FANCD2OS: variants seen among roughly 807,000 people sequenced by gnomAD.
FANCD2OS encodes FANCD2 opposite strand, also known as FANCD2 opposite strand protein.
In FANCD2OS, 11 loss-of-function variants were observed where a neutral mutation model predicts 13.2. The ratio of observed to expected loss-of-function variants is 0.83; its 90% CI spans 0.52 to 1.38. The LOEUF is 1.38. Ranked by LOEUF, FANCD2OS falls within the 40% of genes most tolerant of loss-of-function variation. The pLI is 0.00. For missense variants in FANCD2OS, 217 were observed against 213.9 expected (o/e 1.01, Z -0.09); for synonymous variants, 69 against 84.5 (o/e 0.82, Z 1.01).
downstream of FANCD2OS, among the ~76,000 whole-genome samples, chr3:10,100,009 C>A (rs1401459657): frequency 6.6e-6 from 1 of 151,972 alleles, no homozygotes; most frequent in Non-Finnish European, 1.5e-5. Flanking sequence ...CAACCCGAGA[C>A]CCCATCTCTA....
rs760823688 is a variant in FANCD2OS, at chr3:10,088,495, T to G, written c.*44-6964A>C. The stretch of plus-strand genomic sequence containing the variant: ...TCTGTCGGGTGTGGCCAAGTGGGGA[T>G]AAAGAGAAGAGCAACATCTCTAATG... On this transcript the variant is annotated intron_variant, in intron 2 of 2. Coordinates refer to the FANCD2OS transcript ENST00000524279. 4 of 1,613,080 alleles carry G rather than the reference T, an allele frequency of 2.5e-6. No homozygotes were observed. The Admixed American group carries it at 6.7e-5, about 27-fold the overall frequency.
chr3:10,107,350 C>T (rs1575896511), intron 1 of FANCD2OS, among the ~76,000 whole-genome samples: 1 of 151,864 alleles, frequency 6.6e-6, no homozygotes, highest in South Asian at 2.1e-4. Flanking sequence ...TGCAGTGGCG[C>T]GATCTCCGCT....
intron 2 of FANCD2OS, among the ~76,000 whole-genome samples, chr3:10,093,581 G>C (rs765268017): frequency 6.6e-6 from 1 of 152,176 alleles, no homozygotes; most frequent in Non-Finnish European, 1.5e-5. Context: ...TTGAGTTTAG[G>C]AGCAGTAGTT....
At chr3:10,098,332 C>T (rs533863431), downstream of FANCD2OS, among the ~76,000 whole-genome samples, 33 of 152,246 alleles carry the variant, frequency 2.2e-4, no homozygotes, top group East Asian at 3.1e-3. Flanking sequence ...ACCACCTCAC[C>T]ATACTGTCCT....
chr3:10,105,775 TATATA>T (rs1695474339), intron 1 of FANCD2OS, among the ~76,000 whole-genome samples: 2 of 10,248 alleles, frequency 2.0e-4, no homozygotes, highest in South Asian at 4.3e-3. Flanking sequence ...AAAAAAATTA[TATATA>T]TATATATATA....
At chr3:10,085,397 T>TC (rs1224252527) in intron 2 of FANCD2OS, among the ~76,000 whole-genome samples, 11 of 148,706 alleles carry the variant, frequency 7.4e-5, no homozygotes, top group African/African-American at 2.5e-4. Context: ...TTTCTTTCTT[T>TC]TTTTTTTTTT....
At chr3:10,081,670 TTTGACA>T in intron 2 of FANCD2OS, 1 of 599,402 alleles carries the variant, frequency 1.7e-6, no homozygotes, top group Admixed American at 2.7e-5. Context: ...TGTTAACCCA[TTTGACA>T]GATTAGGTGA....
chr3:10,098,323 C>G (rs947786152), downstream of FANCD2OS, among the ~76,000 whole-genome samples: 1 of 152,134 alleles, frequency 6.6e-6, no homozygotes, highest in Non-Finnish European at 1.5e-5. Flanking sequence ...TGTTCTGAAA[C>G]CACCTCACCA....
rs541377758 is a variant in FANCD2OS at position 10,107,783 on chromosome 3, G to C, written c.-9+232C>G. 2.5e-3 allele frequency among the ~76,000 whole-genome samples: 387 copies of C among 152,062 alleles called. 2 individuals are homozygous for C. The highest frequency in any genetic ancestry group is 0.014 in the Middle Eastern group (4 of 294). On this transcript the variant is annotated intron_variant, in intron 1 of 1. Coordinates refer to ENST00000450660, the MANE Select transcript of FANCD2OS (RefSeq NM_001164839.2). Reference sequence around the variant, plus strand: ...GGCAGAACCAACATGGGACGAGAGCGCTTCTAAACCTAGGTCCCTGCACCT... The same window carrying C: ...GGCAGAACCAACATGGGACGAGAGCCCTTCTAAACCTAGGTCCCTGCACCT...
chr3:10,082,366 G>A (rs1318003654), intron 2 of FANCD2OS, among the ~76,000 whole-genome samples: 1 of 152,098 alleles, frequency 6.6e-6, no homozygotes, highest in African/African-American at 2.4e-5. Flanking sequence ...GACTGGGCTA[G>A]GTTCACACTT....
chr3:10,095,117 G>A, intron 2 of FANCD2OS: 1 of 1,180,118 alleles, frequency 8.5e-7, no homozygotes, highest in East Asian at 2.4e-5. Flanking sequence ...TATCCTCTTT[G>A]GAGCTTTTGA....
At chr3:10,089,558 C>T (rs1466555348) in intron 2 of FANCD2OS, among the ~76,000 whole-genome samples, 1 of 152,126 alleles carries the variant, frequency 6.6e-6, no homozygotes, top group South Asian at 2.1e-4. Context: ...CAACCTCCAC[C>T]TCCTGGGTTC....
intron 2 of FANCD2OS, chr3:10,085,874 G>A (rs752256004): frequency 6.2e-7 from 1 of 1,613,804 alleles, no homozygotes; most frequent in Non-Finnish European, 8.5e-7. Context: ...GTCCTTAGTA[G>A]CCGACTGAAA....
chr3:10,105,767 AAAAATTATAT>A (rs1559415075), intron 1 of FANCD2OS, among the ~76,000 whole-genome samples: 4 of 53,420 alleles, frequency 7.5e-5, no homozygotes, highest in African/African-American at 6.6e-4. Flanking sequence ...AAAAAAAAAA[AAAAATTATAT>A]ATATATATAT....
At chr3:10,092,116 T>G in intron 2 of FANCD2OS, 1 of 1,076,962 alleles carries the variant, frequency 9.3e-7, no homozygotes, top group Non-Finnish European at 1.5e-6. Flanking sequence ...TATATCTTAG[T>G]GGGAATACAG....
In FANCD2OS at chr3:10,104,520, T is replaced by C. The variant is rs1695414083; in HGVS notation, c.255A>G (p.Lys85=). 1.2e-6 allele frequency: 2 copies of C among 1,614,070 alleles called. No homozygotes were observed. Among genetic ancestry groups the C allele is most frequent in the African/African-American group, 2.7e-5 (2 of 74,910 alleles). The change falls in exon 2 of 2, where the codon AAA becomes AAG. Residue 85 remains lysine, a synonymous_variant. Coordinates refer to ENST00000450660, the MANE Select transcript of FANCD2OS (RefSeq NM_001164839.2). ...HTSELRTMNN[K]GLVRKPQPIR... ...TGGGCTGGGGCTTCCTGACCAGTCC[T>C]TTGTTGTTCATCGTGCGCAACTCTG...
At chr3:10,091,242 G>A (rs1454640198) in intron 2 of FANCD2OS, among the ~76,000 whole-genome samples, 1 of 150,322 alleles carries the variant, frequency 6.7e-6, no homozygotes, top group African/African-American at 2.4e-5. Flanking sequence ...CACCATGCCC[G>A]GCTAATTTTT....
intron 2 of FANCD2OS, chr3:10,092,272 G>C (rs2125086319): frequency 6.4e-7 from 1 of 1,572,524 alleles, no homozygotes; most frequent in Non-Finnish European, 8.8e-7. Flanking sequence ...GAGACTGCTT[G>C]ACACATCTCA....
chr3:10,104,376 C>T lies in FANCD2OS; in HGVS notation c.399G>A (p.Glu133=). 1 of 1,614,216 alleles carries T rather than the reference C, an allele frequency of 6.2e-7. No individual in the cohort carries two copies. Among genetic ancestry groups the T allele is most frequent in the South Asian group, 1.1e-5 (1 of 91,084 alleles). ...CCTTCAGTCCAATGGGCCACTGGTG[C>T]TCCCTGCTAATGATTTTGCAAAAGG... ...KSAFCKIISR[E]HQWPIGLKEP... Residue 133 remains glutamate, a synonymous_variant, in exon 2 of 2, where the codon GAG becomes GAA. Transcript: ENST00000450660.
Sources: allele counts gnomAD v4.1 joint callset (sites outside exome capture counted in the v4.1 genomes callset), GRCh38; gene constraint gnomAD v4.1.1; transcripts MANE v1.5; gene names NCBI Gene and HGNC (gene_info 2026-07-23, HGNC 2026-07-21).